Variants in FGGY observed in about 807,000 individuals in gnomAD.
FGGY encodes FGGY carbohydrate kinase domain-containing protein.
Under a neutral mutation model 71.3 loss-of-function variants are expected in FGGY, and 72 were observed. The ratio of observed to expected loss-of-function variants is 1.01; its 90% CI spans 0.84 to 1.23. The LOEUF (loss-of-function observed/expected upper bound fraction) is 1.23. Ranked by LOEUF, FGGY falls within the 50% of genes most tolerant of loss-of-function variation. The pLI is 0.00. For missense variants in FGGY, 668 were observed against 682.3 expected (o/e 0.98, Z 0.23); for synonymous variants, 251 against 250.3 (o/e 1.00, Z -0.02).
At chr1:59,491,598 G>GT (rs892482639) in intron 6 of FGGY, among the ~76,000 whole-genome samples, 1 of 151,578 alleles carries the variant, frequency 6.6e-6, no homozygotes, top group African/African-American at 2.4e-5. Flanking sequence ...AATTCTAAGA[G>GT]TTTTTTTGGT....
At chr1:59,491,065 T>TCTTTCTCTCCCTCCCTCCCTCCCTCCCTC (rs2093835367) in intron 6 of FGGY, among the ~76,000 whole-genome samples, 1 of 23,714 alleles carries the variant, frequency 4.2e-5, no homozygotes, top group Admixed American at 4.7e-4. Flanking sequence ...CTTCCTTCCT[T>TCTTTCTCTCCCTCCCTCCCTCCCTCCCTC]CCTTCCTTCC....
intron 13 of FGGY, among the ~76,000 whole-genome samples, chr1:59,670,439 G>T (rs2097367645): frequency 6.6e-6 from 1 of 152,218 alleles, no homozygotes; most frequent in Admixed American, 6.5e-5. Context: ...GAATTTGGGA[G>T]ATTTTTTTGG....
chr1:59,533,265 G>C (rs1328555718), intron 7 of FGGY, among the ~76,000 whole-genome samples: 2 of 152,186 alleles, frequency 1.3e-5, no homozygotes, highest in Non-Finnish European at 2.9e-5. Flanking sequence ...AAAATCGGGT[G>C]ACTCCCACCC....
intron 2 of FGGY, among the ~76,000 whole-genome samples, chr1:59,331,449 TC>T (rs1056788910): frequency 3.9e-5 from 6 of 151,954 alleles, no homozygotes; most frequent in Admixed American, 3.9e-4. Context: ...CTGTTCCCCC[TC>T]CCAGGACCTC....
chr1:59,708,961 A>T (rs2097774561), intron 14 of FGGY, among the ~76,000 whole-genome samples: 2 of 152,264 alleles, frequency 1.3e-5, no homozygotes, highest in Non-Finnish European at 2.9e-5. Context: ...TCTGATTCCT[A>T]GAATTTTGGA....
At chr1:59,606,436 A>G (rs977535845) in intron 8 of FGGY, among the ~76,000 whole-genome samples, 4 of 152,230 alleles carry the variant, frequency 2.6e-5, no homozygotes, top group African/African-American at 9.6e-5. Context: ...AAGTGGTAAG[A>G]AGCTCACCTT....
chr1:59,679,300 C>A (rs2097470324), intron 14 of FGGY, among the ~76,000 whole-genome samples: 1 of 151,378 alleles, frequency 6.6e-6, no homozygotes, highest in Admixed American at 6.6e-5. Context: ...TTGTAAGAGT[C>A]AACTTTCTGT....
intron 2 of FGGY, among the ~76,000 whole-genome samples, chr1:59,323,291 A>G (rs2046735637): frequency 6.6e-6 from 1 of 152,238 alleles, no homozygotes; most frequent in Admixed American, 6.5e-5. Context: ...GTTTAATGGT[A>G]GATTTTTAAT....
chr1:59,497,854 C>T (rs781619245), intron 6 of FGGY, among the ~76,000 whole-genome samples: 2 of 152,178 alleles, frequency 1.3e-5, no homozygotes, highest in East Asian at 1.9e-4. Context: ...TCTGTCTTCG[C>T]GTTGTTTCAG....
In FGGY at chr1:59,626,083, C is replaced by T. The variant is rs1263235881; in HGVS notation, c.1073+34C>T. ...TGTCTCTGTTCCCTCTAAAATTTTC[C>T]TTGTGTGACTGTATTGAGAGAATTC... On this transcript the variant is annotated intron_variant, in intron 10 of 15. Coordinates refer to ENST00000303721, the MANE Select transcript of FGGY (RefSeq NM_018291.5). The T allele has an allele frequency of 6.9e-6, 11 of 1,584,514 alleles. 1 individual carries two copies. In the South Asian group the frequency reaches 1.1e-4, roughly 16 times the overall value.
Position 59,512,465 on chromosome 1 carries a change from C to T in FGGY, c.799+26C>T, listed in dbSNP as rs184273812. The T allele has an allele frequency of 3.4e-5, 55 of 1,606,662 alleles. 1 individual carries two copies. The Admixed American group carries it at 5.4e-4, about 16-fold the overall frequency. Reference sequence around the variant, plus strand: ...GTAATCTCTTATTTGTTGCCTACAGCCAAAACCGTATTCAAATGGAATATT... The same window carrying T: ...GTAATCTCTTATTTGTTGCCTACAGTCAAAACCGTATTCAAATGGAATATT... On this transcript the variant is annotated intron_variant, in intron 7 of 15. Transcript: ENST00000303721.
chr1:59,482,142 T>C (rs2093493493), intron 6 of FGGY, among the ~76,000 whole-genome samples: 1 of 152,098 alleles, frequency 6.6e-6, no homozygotes, highest in Non-Finnish European at 1.5e-5. Context: ...TTCTGAAAAT[T>C]CAGTTTATAG....
rs2097575744 is a variant in FGGY at position 59,689,908 on chromosome 1, G to T, written c.1512+15775G>T. On this transcript the variant is annotated intron_variant, in intron 14 of 15. Transcript: ENST00000303721. ...TCCCCAACCCCTCCCTGACACCTGG[G>T]CCTAGAGGAGCCTGTGTGTTGGATA... 3.9e-5 allele frequency among the ~76,000 whole-genome samples: 6 copies of T among 152,272 alleles called. No individual in the cohort carries two copies. The South Asian group carries it at 1.2e-3, about 32-fold the overall frequency.
At chr1:59,651,261 A>T (rs572466534) in intron 11 of FGGY, among the ~76,000 whole-genome samples, 1 of 152,164 alleles carries the variant, frequency 6.6e-6, no homozygotes, top group Non-Finnish European at 1.5e-5. Context: ...GTAGAAGTCT[A>T]TTAGGTCCGC....
chr1:59,417,882 T>G (rs1244296634), intron 5 of FGGY, among the ~76,000 whole-genome samples: 1 of 152,234 alleles, frequency 6.6e-6, no homozygotes, highest in East Asian at 1.9e-4. Flanking sequence ...TCAGTCATAC[T>G]GGCCACATTT....
intron 8 of FGGY, among the ~76,000 whole-genome samples, chr1:59,558,957 T>A (rs190234288): frequency 6.6e-6 from 1 of 152,224 alleles, no homozygotes; most frequent in Non-Finnish European, 1.5e-5. Context: ...AAGAAAAATA[T>A]GGCTCTTTTT....
chr1:59,333,792 A>G (rs1216886457), intron 2 of FGGY, among the ~76,000 whole-genome samples: 1 of 152,196 alleles, frequency 6.6e-6, no homozygotes, highest in East Asian at 1.9e-4. Flanking sequence ...ATGAGGCCAT[A>G]CTGCCTGTCA....
At chr1:59,449,457 G>A (rs970029010) in intron 5 of FGGY, among the ~76,000 whole-genome samples, 3 of 151,882 alleles carry the variant, frequency 2.0e-5, no homozygotes, top group Non-Finnish European at 4.4e-5. Context: ...AATTTTTTTT[G>A]TATTTTTAGT....
chr1:59,650,077 A>G (rs2097141646), intron 11 of FGGY, among the ~76,000 whole-genome samples: 1 of 148,712 alleles, frequency 6.7e-6, no homozygotes, highest in South Asian at 2.1e-4. Flanking sequence ...ATATTGAACC[A>G]GCCTTGATCC....
Sources: allele counts gnomAD v4.1 joint callset (sites outside exome capture counted in the v4.1 genomes callset), GRCh38; gene constraint gnomAD v4.1.1; transcripts MANE v1.5; gene names NCBI Gene and HGNC (gene_info 2026-07-23, HGNC 2026-07-21).